LRRTM4: variants seen among roughly 807,000 people sequenced by gnomAD.
The protein encoded by LRRTM4 is leucine-rich repeat transmembrane neuronal protein 4.
A neutral mutation model predicts 47.6 loss-of-function variants in LRRTM4; 25 were observed. The observed-to-expected ratio is 0.53, with a 90% CI of 0.38 to 0.73. The LOEUF (loss-of-function observed/expected upper bound fraction) is 0.73. Among genes scored for constraint, LRRTM4 ranks in the 30% least tolerant of loss-of-function variants. LRRTM4 has a pLI of 0.00. For synonymous variants in LRRTM4, 311 were observed against 269.5 expected (o/e 1.15, Z -1.51); for missense variants, 638 against 713.4 (o/e 0.89, Z 1.20).
chr2:77,366,852 G>C (rs1204484501), intron 3 of LRRTM4, among the ~76,000 whole-genome samples: 1 of 151,834 alleles, frequency 6.6e-6, no homozygotes, highest in East Asian at 1.9e-4. Flanking sequence ...CACTGTCTCT[G>C]TCTCAGATAC....
intron 3 of LRRTM4, among the ~76,000 whole-genome samples, chr2:77,108,917 C>T (rs1671174814): frequency 6.6e-6 from 1 of 152,108 alleles, no homozygotes; most frequent in Non-Finnish European, 1.5e-5. Flanking sequence ...TTTAACAATT[C>T]TAGAAAAGAC....
intron 3 of LRRTM4, among the ~76,000 whole-genome samples, chr2:77,383,487 GC>G (rs1313427528): frequency 6.6e-6 from 1 of 151,856 alleles, no homozygotes; most frequent in African/African-American, 2.4e-5. Context: ...ATTTGTCAAA[GC>G]TTTGATTTTT....
intron 3 of LRRTM4, among the ~76,000 whole-genome samples, chr2:77,511,995 G>A (rs563785605): frequency 6.6e-6 from 1 of 152,196 alleles, no homozygotes; most frequent in South Asian, 2.1e-4. Flanking sequence ...TGCCCAGGTT[G>A]GAGCACAGAG....
intron 3 of LRRTM4, among the ~76,000 whole-genome samples, chr2:77,038,643 A>C (rs78292213): frequency 0.011 from 1,653 of 151,646 alleles, 28 homozygotes; most frequent in African/African-American, 0.038. Flanking sequence ...AACAACTAGC[A>C]TAACAACTTC....
chr2:77,015,412 C>T (rs1678027171), intron 3 of LRRTM4, among the ~76,000 whole-genome samples: 1 of 152,132 alleles, frequency 6.6e-6, no homozygotes, highest in South Asian at 2.1e-4. Context: ...TCTTAGCTCA[C>T]TGCAACCTCC....
rs556229242 is a variant in LRRTM4, at chr2:77,213,634, T to C, written c.1551+304684A>G. Among the ~76,000 whole-genome samples the C allele has an allele frequency of 1.1e-3, 160 of 152,320 alleles. 1 individual carries two copies. The highest frequency in any genetic ancestry group is 3.7e-3 in the African/African-American group (152 of 41,572). On this transcript the variant is annotated intron_variant, in intron 3 of 3. Coordinates refer to ENST00000409884, the MANE Select transcript of LRRTM4 (RefSeq NM_001134745.3). The stretch of plus-strand genomic sequence containing the variant: ...CAAAAGATAAGAAAGACTTCTCTGC[T>C]TCTTCATGAGCTATCTTTGCACAGT...
chr2:76,816,418 C>T (rs1039966368), intron 3 of LRRTM4, among the ~76,000 whole-genome samples: 1 of 151,832 alleles, frequency 6.6e-6, no homozygotes, highest in Non-Finnish European at 1.5e-5. Context: ...CTCAACGGAA[C>T]TGAAAGTAGA....
At chr2:77,152,432 G>A (rs13401695) in intron 3 of LRRTM4, among the ~76,000 whole-genome samples, 25,640 of 151,912 alleles carry the variant, frequency 0.17, 3,203 homozygotes, top group African/African-American at 0.35. Flanking sequence ...GGGTTCAAGC[G>A]ATTCTCCTGC....
At position 76,968,351 on chromosome 2, in the gene LRRTM4, T is replaced by TAC. The variant is rs1219386885; in HGVS notation, c.1552-219436_1552-219435insGT. Among the ~76,000 whole-genome samples, 458 of 96,534 alleles carry TAC rather than the reference T, an allele frequency of 4.7e-3. 17 individuals are homozygous for TAC. The highest frequency in any genetic ancestry group is 6.4e-3 in the Non-Finnish European group (330 of 51,382). 63.3% of individuals were successfully genotyped at this position (96,534 alleles called of 152,430 possible). On this transcript the variant is annotated intron_variant, in intron 3 of 3. Coordinates refer to ENST00000409884, the MANE Select transcript of LRRTM4 (RefSeq NM_001134745.3). ...AAGTGTGTATGTGTGTATATATATATATATATATATATATATATATATATA... is the reference window on the plus strand; with the variant it reads ...AAGTGTGTATGTGTGTATATATATATACATATATATATATATATATATATATA...
At chr2:77,159,350 G>C (rs1464062701) in intron 3 of LRRTM4, among the ~76,000 whole-genome samples, 2 of 151,992 alleles carry the variant, frequency 1.3e-5, no homozygotes, top group Non-Finnish European at 2.9e-5. Context: ...CTGTAAAAAA[G>C]AAAGTGTTAT....
At chr2:77,185,913 T>A (rs1420378955) in intron 3 of LRRTM4, among the ~76,000 whole-genome samples, 6 of 152,114 alleles carry the variant, frequency 3.9e-5, no homozygotes, top group Non-Finnish European at 7.4e-5. Context: ...TAACTCGCCT[T>A]ACGTGTTTAA....
At chr2:76,758,701 T>C (rs572688559) in intron 3 of LRRTM4, among the ~76,000 whole-genome samples, 7 of 152,174 alleles carry the variant, frequency 4.6e-5, no homozygotes, top group Non-Finnish European at 8.8e-5. Context: ...ATAGAGTGTA[T>C]GCTATTAAGG....
intron 3 of LRRTM4, among the ~76,000 whole-genome samples, chr2:77,117,126 A>G (rs969396983): frequency 6.6e-6 from 1 of 152,080 alleles, no homozygotes; most frequent in East Asian, 1.9e-4. Flanking sequence ...GCATGTTTTC[A>G]TAAGTTTATT....
intron 3 of LRRTM4, among the ~76,000 whole-genome samples, chr2:76,754,520 A>G (rs996334623): frequency 6.6e-6 from 1 of 152,306 alleles, no homozygotes; most frequent in East Asian, 1.9e-4. Context: ...GGTCCTGTCA[A>G]TCAAACATGC....
intron 3 of LRRTM4, among the ~76,000 whole-genome samples, chr2:77,037,295 T>C (rs548978127): frequency 2.0e-4 from 31 of 151,874 alleles, no homozygotes; most frequent in Non-Finnish European, 4.0e-4. Flanking sequence ...TTACAAACCA[T>C]GTTAAATACA....
At position 77,018,537 on chromosome 2, in the gene LRRTM4, GC is replaced by G. The variant is rs534657708; in HGVS notation, c.1552-269622del. Among the ~76,000 whole-genome samples the G allele has an allele frequency of 2.5e-3, 385 of 152,194 alleles. 2 individuals carry two copies. Among genetic ancestry groups the G allele is most frequent in the Middle Eastern group, 6.8e-3 (2 of 294 alleles). ...TCAGACTTCTACAGCATTCCTCTGA[GC>G]AGAAGGCAGAAACCAACCTTTTGCA... On this transcript the variant is annotated intron_variant, in intron 3 of 3. Coordinates refer to ENST00000409884, the MANE Select transcript of LRRTM4 (RefSeq NM_001134745.3).
chr2:76,968,621 T>C (rs189536387), intron 3 of LRRTM4, among the ~76,000 whole-genome samples: 2 of 151,642 alleles, frequency 1.3e-5, no homozygotes, highest in East Asian at 3.9e-4. Flanking sequence ...TGTTTGGGGT[T>C]AGGCAGAAGA....
chr2:77,303,059 A>C (rs552147622), intron 3 of LRRTM4, among the ~76,000 whole-genome samples: 2 of 152,254 alleles, frequency 1.3e-5, no homozygotes, highest in East Asian at 1.9e-4. Flanking sequence ...AGGCCCTGAC[A>C]ATTTTTGCTT....
chr2:77,220,984 C>T (rs1674609599), intron 3 of LRRTM4, among the ~76,000 whole-genome samples: 1 of 152,170 alleles, frequency 6.6e-6, no homozygotes, highest in African/African-American at 2.4e-5. Flanking sequence ...AAAGGGAAGC[C>T]CATCAGACTA....
Sources: allele counts gnomAD v4.1 joint callset (sites outside exome capture counted in the v4.1 genomes callset), GRCh38; gene constraint gnomAD v4.1.1; transcripts MANE v1.5; gene names NCBI Gene and HGNC (gene_info 2026-07-23, HGNC 2026-07-21).